Variants in MEIKIN observed in about 807,000 individuals in gnomAD.
MEIKIN encodes the protein meiotic kinetochore factor, also known as meiosis-specific kinetochore protein.
chr5:131,924,050 T>C (rs1751550359), intron 5 of MEIKIN, among the ~76,000 whole-genome samples: 1 of 152,136 alleles, frequency 6.6e-6, no homozygotes, highest in Non-Finnish European at 1.5e-5. Flanking sequence ...TTGGCTCTTT[T>C]AGATAACTCA....
At chr5:131,824,579 A>G (rs1425984967) in intron 11 of MEIKIN, among the ~76,000 whole-genome samples, 2 of 152,192 alleles carry the variant, frequency 1.3e-5, no homozygotes, top group African/African-American at 2.4e-5. Context: ...AAGATTTGAA[A>G]AAGAACCAGA....
chr5:131,853,877 T>C (rs1003764831), intron 10 of MEIKIN, among the ~76,000 whole-genome samples: 2 of 152,186 alleles, frequency 1.3e-5, no homozygotes, highest in Non-Finnish European at 2.9e-5. Flanking sequence ...ACTGGAACCC[T>C]TGTGCATTTT....
At chr5:131,930,943 A>G (rs996480714) in intron 5 of MEIKIN, among the ~76,000 whole-genome samples, 6 of 152,162 alleles carry the variant, frequency 3.9e-5, no homozygotes, top group African/African-American at 1.4e-4. Flanking sequence ...GTTGTCAGAC[A>G]ATTTGTATAT....
intron 12 of MEIKIN, among the ~76,000 whole-genome samples, chr5:131,815,629 G>A (rs942017271): frequency 2.6e-5 from 4 of 152,230 alleles, no homozygotes; most frequent in Non-Finnish European, 4.4e-5. Context: ...TGACTGGGGC[G>A]ACTGATCCGG....
intron 11 of MEIKIN, 76 bp downstream of exon 11, chr5:131,851,188 G>C: frequency 2.5e-6 from 1 of 393,710 alleles, no homozygotes; most frequent in South Asian, 1.4e-4. Context: ...ATTTCTTATA[G>C]CACCTCATAT....
In MEIKIN at chr5:131,861,533, C is replaced by G. The variant is rs144877854; in HGVS notation, c.775-6699G>C. Among the ~76,000 whole-genome samples, 713 of 152,208 alleles carry G rather than the reference C, an allele frequency of 4.7e-3. 8 individuals carry two copies. The highest frequency in any genetic ancestry group is 0.016 in the African/African-American group (677 of 41,524). On this transcript the variant is annotated intron_variant, in intron 9 of 12. Coordinates refer to ENST00000442687, the MANE Select transcript of MEIKIN (RefSeq NM_001303622.2). ...GGAAGGTGGGCATTCTTGTCTTGTT[C>G]TTAGAGGAAAGGCTTTCAACTTTTC... is the stretch of plus-strand genomic sequence containing the variant.
chr5:131,929,457 GTC>G (rs1394559627), intron 5 of MEIKIN, among the ~76,000 whole-genome samples: 1 of 152,150 alleles, frequency 6.6e-6, no homozygotes, highest in Non-Finnish European at 1.5e-5. Context: ...TGGCTCACAA[GTC>G]TCTTAGGATT....
chr5:131,884,513 G>A (rs1473223618), intron 8 of MEIKIN, among the ~76,000 whole-genome samples: 1 of 152,080 alleles, frequency 6.6e-6, no homozygotes, highest in African/African-American at 2.4e-5. Context: ...GAGCCCTTGG[G>A]CCCTAAATAA....
intron 10 of MEIKIN, among the ~76,000 whole-genome samples, chr5:131,854,059 T>A (rs987366698): frequency 6.6e-6 from 1 of 152,224 alleles, no homozygotes; most frequent in Non-Finnish European, 1.5e-5. Flanking sequence ...ATAGCAGCAT[T>A]ATTCACAATT....
chr5:131,829,061 C>T (rs1436867500), intron 11 of MEIKIN, among the ~76,000 whole-genome samples: 1 of 151,968 alleles, frequency 6.6e-6, no homozygotes, highest in Non-Finnish European at 1.5e-5. Flanking sequence ...CATAAAATAT[C>T]AGAATACAAG....
chr5:131,893,906 G>A (rs1234011571), intron 8 of MEIKIN, among the ~76,000 whole-genome samples: 1 of 152,140 alleles, frequency 6.6e-6, no homozygotes, highest in Non-Finnish European at 1.5e-5. Flanking sequence ...AGTTTAATTA[G>A]ATCCCATTTG....
chr5:131,850,841 G>A (rs888247689), intron 11 of MEIKIN, among the ~76,000 whole-genome samples: 1 of 152,116 alleles, frequency 6.6e-6, no homozygotes, highest in African/African-American at 2.4e-5. Flanking sequence ...TCGAGAGGCT[G>A]AGATGGCAGA....
intron 12 of MEIKIN, among the ~76,000 whole-genome samples, chr5:131,817,720 A>C (rs1773128623): frequency 6.6e-6 from 1 of 152,176 alleles, no homozygotes; most frequent in South Asian, 2.1e-4. Context: ...GTAGCACTGA[A>C]TTGAGTATTC....
chr5:131,886,404 T>C (rs1189966199), intron 8 of MEIKIN, among the ~76,000 whole-genome samples: 1 of 152,110 alleles, frequency 6.6e-6, no homozygotes, highest in African/African-American at 2.4e-5. Flanking sequence ...GAAAAGATCT[T>C]AAGAGCAGCA....
chr5:131,940,899 G>C lies in MEIKIN; in HGVS notation c.349+1736C>G, dbSNP rs147338644. Among the ~76,000 whole-genome samples, 44 of 152,112 alleles carry C rather than the reference G, an allele frequency of 2.9e-4. No homozygotes were observed. The East Asian group carries it at 8.3e-3, about 29-fold the overall frequency. ...ACTTTTTTCTTCCTCTGCTATCCTTGTAGCAATATGGAGTTACTTCAGACT... is the reference window on the plus strand; with the variant it reads ...ACTTTTTTCTTCCTCTGCTATCCTTCTAGCAATATGGAGTTACTTCAGACT... On this transcript the variant is annotated intron_variant, in intron 4 of 12. Transcript: ENST00000442687.
chr5:131,895,393 C>A (rs1346258361), intron 8 of MEIKIN, among the ~76,000 whole-genome samples: 1 of 152,144 alleles, frequency 6.6e-6, no homozygotes, highest in Non-Finnish European at 1.5e-5. Flanking sequence ...CAGGATGATG[C>A]TGGCCTCATA....
intron 11 of MEIKIN, among the ~76,000 whole-genome samples, chr5:131,849,378 T>C (rs923774274): frequency 2.1e-5 from 3 of 144,964 alleles, no homozygotes; most frequent in Non-Finnish European, 4.6e-5. Flanking sequence ...TTTATATATA[T>C]AAAGAAACCT....
chr5:131,832,436 T>C (rs936797890), intron 11 of MEIKIN, among the ~76,000 whole-genome samples: 5 of 152,168 alleles, frequency 3.3e-5, no homozygotes, highest in African/African-American at 1.2e-4. Flanking sequence ...TCCTGGATGC[T>C]TTCATGGGCT....
In MEIKIN at chr5:131,940,366, T is replaced by C. The variant is rs112733442; in HGVS notation, c.349+2269A>G. Reference sequence around the variant, plus strand: ...CTAATTTTAGTTGAATTAATTCCAATATTAGACTCCTCGGTTAAGTTTTAA... The same window carrying C: ...CTAATTTTAGTTGAATTAATTCCAACATTAGACTCCTCGGTTAAGTTTTAA... On this transcript the variant is annotated intron_variant, in intron 4 of 12. Transcript: ENST00000442687. Among the ~76,000 whole-genome samples the C allele has an allele frequency of 4.8e-4, 73 of 152,346 alleles. 1 individual carries two copies. The highest frequency in any genetic ancestry group is 2.7e-3 in the South Asian group (13 of 4,828).
Sources: allele counts gnomAD v4.1 joint callset (sites outside exome capture counted in the v4.1 genomes callset), GRCh38; gene constraint gnomAD v4.1.1; transcripts MANE v1.5; gene names NCBI Gene and HGNC (gene_info 2026-07-23, HGNC 2026-07-21).